ZC3H7A: variants seen among roughly 807,000 people sequenced by gnomAD.
ZC3H7A encodes the protein zinc finger CCCH-type containing 7A, also known as zinc finger CCCH domain-containing protein 7A.
ZC3H7A carries 44 observed loss-of-function variants against 125.5 expected under a neutral mutation model. The ratio of observed to expected loss-of-function variants is 0.35; its 90% CI spans 0.28 to 0.45. ZC3H7A has a LOEUF of 0.45. Ranked by LOEUF, ZC3H7A falls within the 20% of genes least tolerant of loss-of-function variation. ZC3H7A has a pLI of 1.00. For missense variants in ZC3H7A, 977 were observed against 1,170.7 expected, an observed-to-expected ratio of 0.83 and a Z score of 2.41; for synonymous variants, 399 against 391.2, an observed-to-expected ratio of 1.02 and a Z score of -0.23.
At chr16:11,792,174 T>C (rs1000456197) in intron 1 of ZC3H7A, among the ~76,000 whole-genome samples, 1 of 152,178 alleles carries the variant, frequency 6.6e-6, no homozygotes, top group African/African-American at 2.4e-5. Flanking sequence ...TCCCAAAGTA[T>C]TGGGATTACA....
rs369226599 is a variant in ZC3H7A, at chr16:11,785,502, T to C, written c.-34-3114A>G. Among the ~76,000 whole-genome samples the C allele has an allele frequency of 1.5e-4, 23 of 151,684 alleles. No homozygotes were observed. In the East Asian group the frequency reaches 4.5e-3, roughly 29 times the overall value. ...GCCTGGGCAAGAGAGTGAGACCCTGTCTCAAAAATAATATTTTTTTAAAAA... is the reference window on the plus strand; with the variant it reads ...GCCTGGGCAAGAGAGTGAGACCCTGCCTCAAAAATAATATTTTTTTAAAAA... On this transcript the variant is annotated intron_variant, in intron 1 of 22. Coordinates refer to ENST00000355758, the MANE Select transcript of ZC3H7A (RefSeq NM_014153.4).
In ZC3H7A at chr16:11,781,433, G is replaced by C. The variant is rs1205827870; in HGVS notation, c.100C>G (p.Gln34Glu). ...SPLSYPGTQE[Q>E]YAVYLRALVR... ...CTTCCCGGAGTCATTACCGCATATT[G>C]CTCCTGTGTTCCTGGATATGACAGC... is the stretch of plus-strand genomic sequence containing the variant. Residue 34 changes from glutamine (Q) to glutamate (E), a missense_variant, in exon 3 of 23, where the codon CAA (glutamine) becomes GAA (glutamate). Physicochemically the swap from Gln to Glu is conservative, Grantham distance 29. Around this residue, in one of 3 missense-constraint regions of ZC3H7A, gnomAD observed 199 missense variants for 256.1 expected, o/e 0.78. Coordinates refer to ENST00000355758, the MANE Select transcript of ZC3H7A (RefSeq NM_014153.4). 1 of 1,606,806 alleles carries C rather than the reference G, an allele frequency of 6.2e-7. No homozygotes were observed. The highest frequency in any genetic ancestry group is 1.7e-5 in the Admixed American group (1 of 59,932).
intron 1 of ZC3H7A, among the ~76,000 whole-genome samples, chr16:11,790,776 T>G (rs2053337028): frequency 6.6e-6 from 1 of 151,924 alleles, no homozygotes; most frequent in African/African-American, 2.4e-5. Flanking sequence ...CGACCTCAGG[T>G]GATCTGCCCA....
chr16:11,775,398 A>G (rs929491571), intron 7 of ZC3H7A: 1 of 164,612 alleles, frequency 6.1e-6, no homozygotes, highest in East Asian at 1.8e-4. Flanking sequence ...AAAAAAAGAA[A>G]AAACTCACCC....
At chr16:11,757,540 TA>T (rs1174146591) in intron 20 of ZC3H7A, among the ~76,000 whole-genome samples, 3 of 138,442 alleles carry the variant, frequency 2.2e-5, no homozygotes, top group Non-Finnish European at 3.2e-5. Flanking sequence ...ACCACTGTGC[TA>T]AAAACTCTGG....
chr16:11,764,457 G>A (rs1483106858), intron 15 of ZC3H7A, among the ~76,000 whole-genome samples: 3 of 152,308 alleles, frequency 2.0e-5, no homozygotes, highest in Non-Finnish European at 4.4e-5. Context: ...GCTGAGGCAG[G>A]AGAATCGCTT....
intron 21 of ZC3H7A, among the ~76,000 whole-genome samples, chr16:11,755,852 G>C (rs773878154): frequency 1.3e-5 from 2 of 152,120 alleles, no homozygotes; most frequent in Non-Finnish European, 2.9e-5. Flanking sequence ...TGACGGAGCC[G>C]GGTTTTGGAG....
Position 11,769,060 on chromosome 16 carries a change from G to A in ZC3H7A, c.1144C>T (p.Leu382Phe). 1 of 1,610,420 alleles carries A rather than the reference G, an allele frequency of 6.2e-7. No individual in the cohort carries two copies. The highest frequency in any genetic ancestry group is 8.5e-7 in the Non-Finnish European group (1 of 1,178,666). ...AAAAGGGAAGAATTACTGTTGTTAA[G>A]CGGTGTTCCCTCTCTAGAAGTTGAG... ...STSTSREGTP[L>F]NNSNSSLLLM... The change falls in exon 11 of 23, where the codon CTT (leucine) becomes TTT (phenylalanine). Residue 382 changes from leucine (L) to phenylalanine (F), a missense_variant. Transcript: ENST00000355758.
chr16:11,760,152 A>G (rs950658646), intron 19 of ZC3H7A, among the ~76,000 whole-genome samples: 1 of 151,494 alleles, frequency 6.6e-6, no homozygotes, highest in Admixed American at 6.6e-5. Flanking sequence ...AAAAGAAAAA[A>G]AGTCCCTTAG....
intron 7 of ZC3H7A, 76 bp from the exon 8 acceptor site, chr16:11,775,089 T>C: frequency 6.5e-7 from 1 of 1,529,134 alleles, no homozygotes; most frequent in Non-Finnish European, 9.0e-7. Flanking sequence ...AAACTCACCC[T>C]AGGCCGGGCA....
At chr16:11,786,296 A>G (rs2053256015) in intron 1 of ZC3H7A, among the ~76,000 whole-genome samples, 1 of 152,186 alleles carries the variant, frequency 6.6e-6, no homozygotes, top group Non-Finnish European at 1.5e-5. Context: ...CAGAGCAGTC[A>G]GGCCAGAGGG....
chr16:11,795,620 G>C (rs2053424814), intron 1 of ZC3H7A, among the ~76,000 whole-genome samples: 2 of 151,746 alleles, frequency 1.3e-5, no homozygotes, highest in South Asian at 2.1e-4. Flanking sequence ...ATTTTTACTA[G>C]AGACGGGGTT....
At chr16:11,760,299 T>C (rs2141166947) in intron 19 of ZC3H7A, among the ~76,000 whole-genome samples, 1 of 152,240 alleles carries the variant, frequency 6.6e-6, no homozygotes, top group Middle Eastern at 3.4e-3. Flanking sequence ...TTCTCAGTTG[T>C]ACTCATTTTA....
intron 13 of ZC3H7A, 65 bp downstream of exon 13, chr16:11,767,352 A>T: frequency 8.1e-7 from 1 of 1,241,548 alleles, no homozygotes; most frequent in Non-Finnish European, 1.1e-6. Context: ...CCTGTCATTA[A>T]GCTAAGCATG....
rs1162926477 is a variant in ZC3H7A, at chr16:11,782,378, A to G, written c.-24T>C. 5 of 1,613,932 alleles carry G rather than the reference A, an allele frequency of 3.1e-6. No individual in the cohort carries two copies. In the South Asian group the frequency reaches 5.5e-5, roughly 18 times the overall value. On this transcript the variant is annotated 5_prime_UTR_variant, in exon 2 of 23. Transcript: ENST00000355758. ...ATGTTATCCCACACATCCACTTTCTAAATGAGCAATCTGGAAAGAAACAAG... is the reference window on the plus strand; with the variant it reads ...ATGTTATCCCACACATCCACTTTCTGAATGAGCAATCTGGAAAGAAACAAG...
At chr16:11,785,804 A>G (rs960248327) in intron 1 of ZC3H7A, among the ~76,000 whole-genome samples, 1 of 152,110 alleles carries the variant, frequency 6.6e-6, no homozygotes, top group Non-Finnish European at 1.5e-5. Flanking sequence ...TATTTTTAGT[A>G]GAGATAGGGT....
rs749685845 is a variant in ZC3H7A, at chr16:11,765,657, A to G, written c.1551T>C (p.Tyr517=). The change falls in exon 14 of 23, where the codon TAT becomes TAC. Residue 517 remains tyrosine, a synonymous_variant. Transcript: ENST00000355758. The surrounding 1 kb of genome is among the most constrained non-coding windows in gnomAD (Gnocchi z 4.8). ...KDVAAEEECR[Y]SGHCTFAYCQ... is the part of the protein sequence containing the mutation. ...AATAAGCAAACGTGCAGTGGCCTGA[A>G]TATCTACATTCCTCCTCAGCAGCAA... 1 of 1,613,636 alleles carries G rather than the reference A, an allele frequency of 6.2e-7. No homozygotes were observed. Among genetic ancestry groups the G allele is most frequent in the African/African-American group, 1.3e-5 (1 of 74,912 alleles).
chr16:11,787,016 T>C (rs2053266524), intron 1 of ZC3H7A, among the ~76,000 whole-genome samples: 1 of 152,310 alleles, frequency 6.6e-6, no homozygotes, highest in South Asian at 2.1e-4. Context: ...AATGTGAGTT[T>C]TGACAAACTC....
chr16:11,769,322 A>G (rs1314520375), intron 10 of ZC3H7A, among the ~76,000 whole-genome samples: 1 of 152,156 alleles, frequency 6.6e-6, no homozygotes, highest in Non-Finnish European at 1.5e-5. Context: ...TACTTCCAGA[A>G]AAATAAGCTA....
Sources: gnomAD v4.1 joint callset for allele counts (sites outside exome capture counted in the v4.1 genomes callset) on GRCh38, gnomAD v4.1.1 for gene constraint, gnomAD v4.1.1 regional missense constraint, Gnocchi (gnomAD v3.1) non-coding constraint, MANE v1.5 for transcripts, NCBI Gene and HGNC (gene_info 2026-07-23, HGNC 2026-07-21) for gene names.